The following ARB2A variants were observed in gnomAD, a reference collection of about 807,000 sequenced individuals.
The protein encoded by ARB2A is cotranscriptional regulator ARB2A.
At chr5:93,918,921 C>A in the ARB2A span, among the ~76,000 whole-genome samples, 2 of 152,282 alleles carry the variant, frequency 1.3e-5, no homozygotes, top group South Asian at 4.1e-4. Flanking sequence ...TCCCTTCCCC[C>A]AGAAATTCTG....
At chr5:93,906,843 G>C in the ARB2A span, among the ~76,000 whole-genome samples, 2 of 151,438 alleles carry the variant, frequency 1.3e-5, no homozygotes, top group African/African-American at 4.8e-5. Flanking sequence ...GAGGAAAAAT[G>C]AATCTTCAGT....
At chr5:93,968,334 A>T in the ARB2A span, among the ~76,000 whole-genome samples, 1 of 152,174 alleles carries the variant, frequency 6.6e-6, no homozygotes, top group Non-Finnish European at 1.5e-5. Context: ...CACCACATAC[A>T]GGAACAGATG....
chr5:93,824,395 A>C, the ARB2A span: 1 of 514,722 alleles, frequency 1.9e-6, no homozygotes. Context: ...TCAAAATAAA[A>C]ATAATATAAA....
the ARB2A span, among the ~76,000 whole-genome samples, chr5:93,785,714 T>A: frequency 6.6e-6 from 1 of 152,198 alleles, no homozygotes; most frequent in African/African-American, 2.4e-5. Flanking sequence ...CTTTGTGCCC[T>A]GTGTTTTCTG....
the ARB2A span, among the ~76,000 whole-genome samples, chr5:93,853,794 C>G: frequency 6.6e-6 from 1 of 152,280 alleles, no homozygotes; most frequent in East Asian, 1.9e-4. Context: ...AGCCTTGCAT[C>G]CCAGGGATGA....
the ARB2A span, among the ~76,000 whole-genome samples, chr5:93,720,447 C>T: frequency 6.6e-6 from 1 of 152,160 alleles, no homozygotes; most frequent in Non-Finnish European, 1.5e-5. Context: ...TAAATCTTCT[C>T]TGAGTTCTTT....
the ARB2A span, among the ~76,000 whole-genome samples, chr5:93,859,142 GA>G: frequency 6.6e-6 from 1 of 151,922 alleles, no homozygotes; most frequent in Admixed American, 6.6e-5. Flanking sequence ...TCAAATCAGT[GA>G]AAAAAGAATG....
the ARB2A span, among the ~76,000 whole-genome samples, chr5:93,923,096 C>CCTATTCAACATGAAGACAAGGATT: frequency 4.6e-5 from 7 of 152,066 alleles, no homozygotes; most frequent in South Asian, 1.3e-3. Flanking sequence ...TCCTCCTCAG[C>CCTATTCAACATGAAGACAAGGATT]CTATTCAACA....
chr5:93,815,216 T>C, the ARB2A span, among the ~76,000 whole-genome samples: 15 of 152,268 alleles, frequency 9.9e-5, no homozygotes, highest in Admixed American at 3.9e-4. Context: ...ATTCATTCAA[T>C]AGAAGTGTTA....
the ARB2A span, among the ~76,000 whole-genome samples, chr5:93,833,464 A>G: frequency 6.6e-6 from 1 of 152,212 alleles, no homozygotes; most frequent in South Asian, 2.1e-4. Context: ...GAAAATATAA[A>G]TAATAGTTTA....
the ARB2A span, among the ~76,000 whole-genome samples, chr5:93,779,692 G>C: frequency 6.6e-6 from 1 of 152,114 alleles, no homozygotes; most frequent in African/African-American, 2.4e-5. Flanking sequence ...GGGACAGATC[G>C]CATGACTAAT....
At chr5:93,860,469 AAAGT>A in the ARB2A span, among the ~76,000 whole-genome samples, 1 of 151,918 alleles carries the variant, frequency 6.6e-6, no homozygotes, top group Admixed American at 6.6e-5. Context: ...AAAAATGATA[AAAGT>A]AAAGGCAAGC....
At chr5:93,986,376 C>T in the ARB2A span, among the ~76,000 whole-genome samples, 14 of 150,426 alleles carry the variant, frequency 9.3e-5, no homozygotes, top group South Asian at 2.1e-4. Context: ...GGGGCGCCCC[C>T]GCCCGGCAGC....
chr5:93,653,560 A>T, the ARB2A span, among the ~76,000 whole-genome samples: 3 of 134,730 alleles, frequency 2.2e-5, no homozygotes, highest in East Asian at 6.7e-4. Context: ...AAAAAAAGAC[A>T]TTAATTCTTC....
At chr5:93,628,757 C>T in the ARB2A span, among the ~76,000 whole-genome samples, 1 of 152,304 alleles carries the variant, frequency 6.6e-6, no homozygotes, top group African/African-American at 2.4e-5. Flanking sequence ...TCTCTCTCAG[C>T]CTTCACAGAA....
At chr5:93,883,961 ACAC>A in the ARB2A span, among the ~76,000 whole-genome samples, 2 of 149,876 alleles carry the variant, frequency 1.3e-5, no homozygotes, top group African/African-American at 2.5e-5. Context: ...ACACACACAC[ACAC>A]ACCACCCTCT....
chr5:93,982,842 T>G, the ARB2A span, among the ~76,000 whole-genome samples: 1 of 151,964 alleles, frequency 6.6e-6, no homozygotes, highest in Admixed American at 6.6e-5. Flanking sequence ...ATCACCTGAG[T>G]TCAGGAATTC....
chr5:94,094,609 T>C, the ARB2A span, among the ~76,000 whole-genome samples: 6 of 152,212 alleles, frequency 3.9e-5, no homozygotes, highest in South Asian at 1.0e-3. Flanking sequence ...AGAAGATGCA[T>C]TACTTCAACA....
chr5:93,741,357 TG>T, the ARB2A span: 1 of 1,611,312 alleles, frequency 6.2e-7, no homozygotes, highest in Non-Finnish European at 8.5e-7. Flanking sequence ...GGAATTCGTG[TG>T]GCAGGGGACC....
Sources: gnomAD v4.1 joint callset for allele counts (sites outside exome capture counted in the v4.1 genomes callset) on GRCh38, gnomAD v4.1.1 for gene constraint, MANE v1.5 for transcripts, NCBI Gene and HGNC (gene_info 2026-07-23, HGNC 2026-07-21) for gene names.